The following XKR6 variants were observed in gnomAD, a reference collection of about 807,000 sequenced individuals.
XKR6 encodes the protein XK-related protein 6.
A neutral mutation model predicts 56.7 loss-of-function variants in XKR6; 22 were observed. That is an observed-to-expected ratio of 0.39 (90% CI 0.28 to 0.55). XKR6 has a LOEUF of 0.55. Ranked by LOEUF, XKR6 falls within the 20% of genes least tolerant of loss-of-function variation. The pLI is 0.66. For synonymous variants in XKR6, 524 were observed against 387.8 expected (o/e 1.35, Z -4.13); for missense variants, 852 against 889.0 (o/e 0.96, Z 0.53).
At chr8:11,188,508 T>C (rs1462026297) in intron 1 of XKR6, among the ~76,000 whole-genome samples, 1 of 152,160 alleles carries the variant, frequency 6.6e-6, no homozygotes, top group Non-Finnish European at 1.5e-5. Context: ...CAGCCATATA[T>C]ACCATCACCC....
intron 1 of XKR6, among the ~76,000 whole-genome samples, chr8:11,082,516 C>G (rs746679748): frequency 6.6e-6 from 1 of 152,230 alleles, no homozygotes; most frequent in Non-Finnish European, 1.5e-5. Context: ...GGTGTTCTTG[C>G]GTTGTCTCTG....
intron 1 of XKR6, among the ~76,000 whole-genome samples, chr8:11,016,142 G>A (rs1322587337): frequency 1.3e-5 from 2 of 152,204 alleles, no homozygotes; most frequent in African/African-American, 2.4e-5. Context: ...CACCGTGGGG[G>A]TGCAGCTCCC....
intron 1 of XKR6, among the ~76,000 whole-genome samples, chr8:10,961,343 G>A (rs969846316): frequency 2.6e-5 from 4 of 152,200 alleles, no homozygotes; most frequent in African/African-American, 9.7e-5. Flanking sequence ...GGAGGTGGCG[G>A]CTTGAGTGAC....
At chr8:10,973,365 G>A (rs1563320969) in intron 1 of XKR6, among the ~76,000 whole-genome samples, 1 of 152,154 alleles carries the variant, frequency 6.6e-6, no homozygotes. Context: ...GGTTCCATGG[G>A]TTCCCTGGCC....
chr8:10,956,225 C>T (rs1801883026), intron 1 of XKR6, among the ~76,000 whole-genome samples: 1 of 152,206 alleles, frequency 6.6e-6, no homozygotes, highest in Non-Finnish European at 1.5e-5. Flanking sequence ...GGCTGATCTT[C>T]AAAAGTGAAT....
Position 11,016,623 on chromosome 8 carries a change from G to A in XKR6, c.765-91793C>T, listed in dbSNP as rs368400446. Among the ~76,000 whole-genome samples, 1,281 of 152,300 alleles carry A rather than the reference G, an allele frequency of 8.4e-3. 17 individuals carry two copies. Among genetic ancestry groups the A allele is most frequent in the African/African-American group, 0.029 (1,201 of 41,560 alleles). On this transcript the variant is annotated intron_variant, in intron 1 of 2. Coordinates refer to ENST00000416569, the MANE Select transcript of XKR6 (RefSeq NM_173683.4). ...CTGCAGCGCGGGCCCTCGGTAGGGG[G>A]CGTTCCAAGGCCCCGCCTCCTCGTC...
intron 1 of XKR6, among the ~76,000 whole-genome samples, chr8:11,007,363 C>T (rs1048425965): frequency 2.6e-5 from 4 of 152,168 alleles, no homozygotes; most frequent in African/African-American, 7.2e-5. Flanking sequence ...AATATCCCTG[C>T]CTCAAGACTA....
intron 1 of XKR6, among the ~76,000 whole-genome samples, chr8:11,061,466 C>CAAAA (rs34109727): frequency 6.9e-6 from 1 of 145,032 alleles, no homozygotes. Flanking sequence ...GACCCTGTCT[C>CAAAA]AAAAAAAAAA....
intron 1 of XKR6, among the ~76,000 whole-genome samples, chr8:11,084,165 TC>T (rs1797811313): frequency 6.6e-6 from 1 of 152,224 alleles, no homozygotes; most frequent in Admixed American, 6.5e-5. Flanking sequence ...AGATCGGACT[TC>T]CCACAGTTTG....
intron 1 of XKR6, among the ~76,000 whole-genome samples, chr8:11,171,643 G>C (rs545691601): frequency 6.6e-6 from 1 of 152,154 alleles, no homozygotes; most frequent in Non-Finnish European, 1.5e-5. Context: ...AGCCCTCTTA[G>C]CCTTCTGCCA....
At chr8:11,020,512 G>A (rs1158814054) in intron 1 of XKR6, among the ~76,000 whole-genome samples, 1 of 152,212 alleles carries the variant, frequency 6.6e-6, no homozygotes, top group Non-Finnish European at 1.5e-5. Context: ...ACCCATCGAG[G>A]AAAGAAATGT....
chr8:10,904,431 G>T (rs530821903), intron 2 of XKR6, among the ~76,000 whole-genome samples: 1 of 152,222 alleles, frequency 6.6e-6, no homozygotes, highest in Non-Finnish European at 1.5e-5. Context: ...GCAGTCATCA[G>T]GGAACGTCCT....
At chr8:11,062,669 T>G in intron 1 of XKR6, 1 of 447,878 alleles carries the variant, frequency 2.2e-6, no homozygotes, top group Non-Finnish European at 4.5e-6. Flanking sequence ...AATTACTCTT[T>G]AATGTGATCT....
intron 1 of XKR6, among the ~76,000 whole-genome samples, chr8:11,063,838 A>G (rs1799909966): frequency 6.6e-6 from 1 of 152,148 alleles, no homozygotes; most frequent in African/African-American, 2.4e-5. Flanking sequence ...CTGTTCGTCA[A>G]ATCTCCCCAT....
chr8:11,082,573 G>A (rs1020621224), intron 1 of XKR6, among the ~76,000 whole-genome samples: 2 of 152,218 alleles, frequency 1.3e-5, no homozygotes, highest in African/African-American at 4.8e-5. Context: ...TCTTTGAGGT[G>A]GCGGACCACC....
intron 1 of XKR6, among the ~76,000 whole-genome samples, chr8:11,014,463 A>T (rs892669781): frequency 9.9e-5 from 15 of 152,252 alleles, no homozygotes; most frequent in African/African-American, 2.9e-4. Flanking sequence ...TAATTACACA[A>T]CAGGCCCTGC....
In XKR6 at chr8:10,924,739, C is replaced by A; in HGVS notation, c.856G>T (p.Asp286Tyr). ...TCCAGGAGGCGCAGCATGTTGACGTCTGCATATTCATACATCATAGCCCAG... is the reference window on the plus strand; with the variant it reads ...TCCAGGAGGCGCAGCATGTTGACGTATGCATATTCATACATCATAGCCCAG... ...FYWAMMYEYA[D>Y]VNMLRLLETF... is the part of the protein sequence containing the mutation. The change falls in exon 2 of 3, where the codon GAC becomes TAC. Residue 286 changes from aspartate (D) to tyrosine (Y), a missense_variant. This residue lies in a region of XKR6 where 199 missense variants were observed against 280.4 expected (regional missense o/e 0.71). Transcript: ENST00000416569. 1 of 1,614,012 alleles carries A rather than the reference C, an allele frequency of 6.2e-7. No individual in the cohort carries two copies.
chr8:11,110,106 G>C (rs1252508126), intron 1 of XKR6, among the ~76,000 whole-genome samples: 1 of 152,074 alleles, frequency 6.6e-6, no homozygotes, highest in African/African-American at 2.4e-5. Flanking sequence ...CTGAGTAGCT[G>C]GGATTACAGG....
chr8:11,013,600 T>C (rs144665248), intron 1 of XKR6, among the ~76,000 whole-genome samples: 13 of 152,250 alleles, frequency 8.5e-5, no homozygotes, highest in African/African-American at 2.6e-4. Flanking sequence ...TTTTTAAAAA[T>C]TGCAGTGCCT....
Sources: gnomAD v4.1 joint callset for allele counts (sites outside exome capture counted in the v4.1 genomes callset) on GRCh38, gnomAD v4.1.1 for gene constraint, gnomAD v4.1.1 regional missense constraint, MANE v1.5 for transcripts, NCBI Gene and HGNC (gene_info 2026-07-23, HGNC 2026-07-21) for gene names.